Variants in ZNF469 observed in about 807,000 individuals in gnomAD.
ZNF469 encodes the protein zinc finger protein 469.
A neutral mutation model predicts 1.0 loss-of-function variants in ZNF469; 1 was observed. That is an observed-to-expected ratio of 1.00 (90% CI 0.35 to 4.73). The LOEUF is 4.73. ZNF469 is among the 30% of genes most tolerant of loss of function. The pLI, the probability that ZNF469 is intolerant of heterozygous loss-of-function variation, is 0.16. For missense variants in ZNF469, 6,100 were observed against 5,356.3 expected (o/e 1.14, Z -4.33); for synonymous variants, 2,703 against 2,363.4 (o/e 1.14, Z -4.17).
the ZNF469 span, among the ~76,000 whole-genome samples, chr16:88,122,227 G>T: frequency 8.2e-6 from 1 of 121,554 alleles, no homozygotes; most frequent in Non-Finnish European, 2.0e-5. Context: ...CACTGTGATC[G>T]CAACCTGTCA....
the ZNF469 span, among the ~76,000 whole-genome samples, chr16:88,346,224 G>A: frequency 2.6e-5 from 4 of 152,244 alleles, no homozygotes; most frequent in African/African-American, 7.2e-5. Flanking sequence ...ATGTGGGGAC[G>A]GCCGGTGCAG....
chr16:88,402,070 GGATA>G (rs1904896928), intron 1 of ZNF469, among the ~76,000 whole-genome samples: 1 of 150,116 alleles, frequency 6.7e-6, no homozygotes, highest in Non-Finnish European at 1.5e-5. Context: ...ATGGATGGAT[GGATA>G]GATGGTAGAT....
chr16:88,221,336 T>C, the ZNF469 span, among the ~76,000 whole-genome samples: 24 of 152,320 alleles, frequency 1.6e-4, no homozygotes, highest in Admixed American at 1.2e-3. Context: ...GAGGAAATGC[T>C]TCCCCACTTG....
At chr16:88,180,630 C>T in the ZNF469 span, among the ~76,000 whole-genome samples, 5 of 152,006 alleles carry the variant, frequency 3.3e-5, 1 homozygote, top group Admixed American at 2.6e-4. Context: ...AAAAATTAGC[C>T]GGGCGTGGTA....
At chr16:88,339,065 A>T in the ZNF469 span, among the ~76,000 whole-genome samples, 1 of 150,152 alleles carries the variant, frequency 6.7e-6, no homozygotes, top group Non-Finnish European at 1.5e-5. Context: ...TGCGTCCTGG[A>T]GGGGGCGTGC....
At chr16:88,157,027 G>T in the ZNF469 span, among the ~76,000 whole-genome samples, 34,061 of 152,186 alleles carry the variant, frequency 0.22, 4,392 homozygotes, top group East Asian at 0.49. Context: ...GATGGGCCTC[G>T]GTGCCGGGGT....
chr16:88,301,640 G>C, the ZNF469 span, among the ~76,000 whole-genome samples: 1 of 152,224 alleles, frequency 6.6e-6, no homozygotes, highest in African/African-American at 2.4e-5. Context: ...GGAATTCCCA[G>C]GAGCTGTTGA....
At position 88,433,807 on chromosome 16, in the gene ZNF469, T is replaced by C; in HGVS notation, c.6337T>C (p.Cys2113Arg). ...ACCCTCTGTCGGGGACCTGGCCGCC[T>C]GCGCCCCCTCACCCACTTCAGCCGC... is the stretch of plus-strand genomic sequence containing the variant. ...PAPSVGDLAA[C>R]APSPTSAAHM... The change falls in exon 3 of 3, where the codon TGC (cysteine) becomes CGC (arginine). Residue 2113 changes from cysteine (C) to arginine (R), a missense_variant. Cys to Arg is a radical substitution (Grantham distance 180). Transcript: ENST00000565624. 1 of 1,549,764 alleles carries C rather than the reference T, an allele frequency of 6.5e-7. No individual in the cohort carries two copies. Among genetic ancestry groups the C allele is most frequent in the Non-Finnish European group, 8.7e-7 (1 of 1,146,822 alleles).
At position 88,391,820 on chromosome 16, in the gene ZNF469, C is replaced by T. The variant is rs546917482; in HGVS notation, c.-192+8566C>T. ...TGGAAATTTTTATGAGCATTTTGAACCCTGTGCAGGCAGGCTGGGTTTGCA... is the reference window on the plus strand; with the variant it reads ...TGGAAATTTTTATGAGCATTTTGAATCCTGTGCAGGCAGGCTGGGTTTGCA... On this transcript the variant is annotated intron_variant, in intron 1 of 2. Transcript: ENST00000565624. 5.3e-5 allele frequency among the ~76,000 whole-genome samples: 8 copies of T among 152,300 alleles called. No individual in the cohort carries two copies. The South Asian group carries it at 1.7e-3, about 32-fold the overall frequency.
At chr16:88,374,136 G>T in the ZNF469 span, among the ~76,000 whole-genome samples, 1 of 152,234 alleles carries the variant, frequency 6.6e-6, no homozygotes, top group East Asian at 1.9e-4. Context: ...CATGGGGTTA[G>T]GCACTGTCTG....
chr16:88,199,412 G>A, the ZNF469 span, among the ~76,000 whole-genome samples: 1 of 152,190 alleles, frequency 6.6e-6, no homozygotes, highest in African/African-American at 2.4e-5. Context: ...GAATCCGCCG[G>A]CCCACATGTC....
chr16:88,359,578 G>A, the ZNF469 span, among the ~76,000 whole-genome samples: 194 of 152,288 alleles, frequency 1.3e-3, 2 homozygotes, highest in South Asian at 4.6e-3. Flanking sequence ...GCCTTTTTTT[G>A]TGAAGTGTCT....
the ZNF469 span, among the ~76,000 whole-genome samples, chr16:88,328,470 G>A: frequency 3.9e-5 from 6 of 152,242 alleles, no homozygotes; most frequent in South Asian, 6.2e-4. Flanking sequence ...GGCTACCGTC[G>A]AAGCTCTGCT....
At chr16:88,172,138 A>T in the ZNF469 span, among the ~76,000 whole-genome samples, 2 of 152,214 alleles carry the variant, frequency 1.3e-5, no homozygotes, top group Non-Finnish European at 2.9e-5. Context: ...AAATAGCAAG[A>T]ACCAGAGGGC....
chr16:88,168,646 T>C, the ZNF469 span, among the ~76,000 whole-genome samples: 5 of 152,362 alleles, frequency 3.3e-5, no homozygotes, highest in African/African-American at 1.2e-4. The surrounding 1 kb of genome is among the most constrained non-coding windows in gnomAD (Gnocchi z 4.3). Flanking sequence ...AGTTTGTTTA[T>C]CTGTCCATTC....
the ZNF469 span, among the ~76,000 whole-genome samples, chr16:88,117,315 C>T: frequency 1.4e-4 from 21 of 152,252 alleles, no homozygotes; most frequent in South Asian, 3.1e-3. Flanking sequence ...AGGACAGATG[C>T]GTGTGGCTCT....
At chr16:88,191,100 TGAGACCAG>T in the ZNF469 span, among the ~76,000 whole-genome samples, 1 of 151,574 alleles carries the variant, frequency 6.6e-6, no homozygotes, top group Non-Finnish European at 1.5e-5. Flanking sequence ...AAGGAAAATA[TGAGACCAG>T]GAGGGTGTTG....
chr16:88,423,779 C>T lies in ZNF469; in HGVS notation c.-191-1028C>T, dbSNP rs143072255. On this transcript the variant is annotated intron_variant, in intron 1 of 2. Transcript: ENST00000565624. ...CTCTCCACGGGGCTGCTTGAGTGCCCGGAAAGCATGGCAGCTGCTTCCCCA... is the reference window on the plus strand; with the variant it reads ...CTCTCCACGGGGCTGCTTGAGTGCCTGGAAAGCATGGCAGCTGCTTCCCCA... Among the ~76,000 whole-genome samples, 189 of 152,292 alleles carry T rather than the reference C, an allele frequency of 1.2e-3. 1 individual carries two copies. Among genetic ancestry groups the T allele is most frequent in the African/African-American group, 4.2e-3 (173 of 41,568 alleles).
At chr16:88,135,533 C>T in the ZNF469 span, among the ~76,000 whole-genome samples, 83,642 of 151,936 alleles carry the variant, frequency 0.55, 27,328 homozygotes, top group Non-Finnish European at 0.75. Context: ...TTGGGGTGTT[C>T]GTGTCACCTT....
Sources: gnomAD v4.1 joint callset for allele counts (sites outside exome capture counted in the v4.1 genomes callset) on GRCh38, gnomAD v4.1.1 for gene constraint, Gnocchi (gnomAD v3.1) non-coding constraint, MANE v1.5 for transcripts, NCBI Gene and HGNC (gene_info 2026-07-23, HGNC 2026-07-21) for gene names.